The following KAT7 variants were observed in gnomAD, a reference collection of about 807,000 sequenced individuals.
The protein encoded by KAT7 is histone acetyltransferase KAT7.
KAT7 carries 10 observed loss-of-function variants against 82.1 expected under a neutral mutation model. The ratio of observed to expected loss-of-function variants is 0.12; its 90% CI spans 0.08 to 0.21. KAT7 has a LOEUF of 0.21. Among genes scored for constraint, KAT7 ranks in the 10% least tolerant of loss-of-function variants. The pLI is 1.00. For synonymous variants in KAT7, 250 were observed against 262.5 expected (o/e 0.95, Z 0.46); for missense variants, 378 against 760.9 (o/e 0.50, Z 5.92).
At chr17:49,803,517 C>T (rs1010030828) in intron 4 of KAT7, among the ~76,000 whole-genome samples, 9 of 152,106 alleles carry the variant, frequency 5.9e-5, no homozygotes, top group Admixed American at 3.3e-4. Flanking sequence ...CTCCGCCTCC[C>T]GGGTTCACAC....
chr17:49,819,151 G>C (rs368598671), intron 9 of KAT7, among the ~76,000 whole-genome samples: 2 of 152,222 alleles, frequency 1.3e-5, no homozygotes, highest in African/African-American at 4.8e-5. Flanking sequence ...CTATGACCCA[G>C]GTTTCCTGTG....
Position 49,832,693 on chromosome 17 carries a change from G to A in KAT7, c.*5191G>A, listed in dbSNP as rs2074434067. ...TGAAAAGAATGGCAGCAGGGAGAAG[G>A]CCTGGCTCACTGAGGCTCTCAGCAT... On this transcript the variant is annotated 3_prime_UTR_variant, in exon 15 of 15. Coordinates refer to ENST00000259021, the MANE Select transcript of KAT7 (RefSeq NM_007067.5). The A allele has an allele frequency of 6.6e-6, 1 of 152,208 alleles. No homozygotes were observed. Among genetic ancestry groups the A allele is most frequent in the Admixed American group, 6.5e-5 (1 of 15,272 alleles). The allele number at this position is 152,208 out of a possible 1,614,324, so 9.4% of individuals were successfully genotyped here.
At position 49,796,794 on chromosome 17, in the gene KAT7, C is replaced by G. The variant is rs773068653; in HGVS notation, c.208C>G (p.Pro70Ala). ...RNLQSFGTEE[P>A]AYSTRRVTRS... ...TCTGCAGTCTTTTGGCACTGAGGAG[C>G]CTGCTTACTCTACCAGAAGAGTGAC... The change falls in exon 3 of 15, where the codon CCT (proline) becomes GCT (alanine). Residue 70 changes from proline (P) to alanine (A), a missense_variant. By Grantham distance (27) the Pro-to-Ala change is conservative. Coordinates refer to ENST00000259021, the MANE Select transcript of KAT7 (RefSeq NM_007067.5). 1 of 1,613,322 alleles carries G rather than the reference C, an allele frequency of 6.2e-7. No individual in the cohort carries two copies. The highest frequency in any genetic ancestry group is 8.5e-7 in the Non-Finnish European group (1 of 1,179,644).
intron 3 of KAT7, among the ~76,000 whole-genome samples, chr17:49,797,425 T>C (rs989362138): frequency 6.6e-6 from 1 of 152,164 alleles, no homozygotes; most frequent in Non-Finnish European, 1.5e-5. Flanking sequence ...CCAGAGTAGC[T>C]GGAGTATATT....
At chr17:49,798,610 A>C in intron 4 of KAT7, 52 bp downstream of exon 4, 1 of 1,532,866 alleles carries the variant, frequency 6.5e-7, no homozygotes, top group Non-Finnish European at 8.8e-7. Flanking sequence ...TCTCTCTCCC[A>C]GGATCATCCA....
At chr17:49,803,132 G>A (rs182498765) in intron 4 of KAT7, among the ~76,000 whole-genome samples, 189 of 151,006 alleles carry the variant, frequency 1.3e-3, no homozygotes, top group African/African-American at 4.3e-3. Flanking sequence ...TTTCTGAGAC[G>A]GAATCTTGCT....
At position 49,794,807 on chromosome 17, in the gene KAT7, GA is replaced by G. The variant is rs1244929426; in HGVS notation, c.164-1942del. Among the ~76,000 whole-genome samples the G allele has an allele frequency of 2.0e-5, 3 of 152,340 alleles. No individual in the cohort carries two copies. In the East Asian group the frequency reaches 5.8e-4, roughly 29 times the overall value. ...CTGGTTATCATACCTCATGACCACA[GA>G]GTTGCACAACTCCAGGGGTACCATT... On this transcript the variant is annotated intron_variant, in intron 2 of 14. Transcript: ENST00000259021.
At position 49,788,867 on chromosome 17, in the gene KAT7, A is replaced by G. The variant is rs1375136685; in HGVS notation, c.15+18A>G. On this transcript the variant is annotated intron_variant, in intron 1 of 14. Transcript: ENST00000259021. ...GAAGGAAGGTGAGAAACGGGAGAGGAGGGATGGCGGGTTTCTAAGGACAGT... is the reference window on the plus strand; with the variant it reads ...GAAGGAAGGTGAGAAACGGGAGAGGGGGGATGGCGGGTTTCTAAGGACAGT... 1.9e-6 allele frequency: 3 copies of G among 1,582,478 alleles called. No homozygotes were observed. The Admixed American group carries it at 5.3e-5, about 28-fold the overall frequency.
At chr17:49,801,730 C>A (rs770590494) in intron 4 of KAT7, among the ~76,000 whole-genome samples, 2 of 152,230 alleles carry the variant, frequency 1.3e-5, no homozygotes, top group Middle Eastern at 3.4e-3. Context: ...GCTCAAGTGA[C>A]CCTCCCACCT....
chr17:49,815,679 C>A, intron 7 of KAT7, 124 bp from the exon 8 acceptor site: 2 of 643,678 alleles, frequency 3.1e-6, no homozygotes. Context: ...TCCCTAGCAC[C>A]TAGTATGTAG....
chr17:49,796,961 G>C, intron 3 of KAT7, 35 bp downstream of exon 3: 1 of 1,578,618 alleles, frequency 6.3e-7, no homozygotes, highest in Non-Finnish European at 8.7e-7. Flanking sequence ...ACCTATTACA[G>C]AGCATCTGGG....
rs1251545607 is a variant in KAT7 at position 49,827,544 on chromosome 17, A to G, written c.*42A>G. 4 of 1,111,536 alleles carry G rather than the reference A, an allele frequency of 3.6e-6. No homozygotes were observed. The highest frequency in any genetic ancestry group is 1.2e-5 in the South Asian group (1 of 80,050). The allele number at this position is 1,111,536 out of a possible 1,614,324, so 68.9% of individuals were successfully genotyped here. On this transcript the variant is annotated 3_prime_UTR_variant, in exon 15 of 15. Transcript: ENST00000259021. ...GAGCCAGCGAACCCCAGCAGTAGGAATCCGTACCCTAGGGATCTGTCTGTC... is the reference window on the plus strand; with the variant it reads ...GAGCCAGCGAACCCCAGCAGTAGGAGTCCGTACCCTAGGGATCTGTCTGTC...
chr17:49,808,120 C>CTTTTTT (rs71146937), intron 5 of KAT7, among the ~76,000 whole-genome samples: 10 of 112,816 alleles, frequency 8.9e-5, no homozygotes, highest in Admixed American at 9.4e-5. Context: ...CCCAGGTTTT[C>CTTTTTT]TTTTTTTTTT....
intron 5 of KAT7, among the ~76,000 whole-genome samples, chr17:49,808,320 A>G (rs2074117940): frequency 1.3e-5 from 2 of 151,500 alleles, no homozygotes; most frequent in African/African-American, 4.8e-5. Flanking sequence ...GGGTTTCACC[A>G]TGTTGCCCAG....
chr17:49,832,957 T>G lies in KAT7; in HGVS notation c.*5455T>G, dbSNP rs1027142962. On this transcript the variant is annotated 3_prime_UTR_variant, in exon 15 of 15. Coordinates refer to ENST00000259021, the MANE Select transcript of KAT7 (RefSeq NM_007067.5). ...TTATGTGTGACTGCCTCCTCCAGAC[T>G]GTTTCCTGCTGATAGGGGCAGTTTA... The G allele has an allele frequency of 6.6e-6, 1 of 152,194 alleles. No individual in the cohort carries two copies. Among genetic ancestry groups the G allele is most frequent in the Non-Finnish European group, 1.5e-5 (1 of 68,042 alleles). The allele number at this position is 152,194 out of a possible 1,614,324, so 9.4% of individuals were successfully genotyped here. A position where few individuals can be genotyped will look rare whatever the true frequency, so the allele number is the denominator to read the frequency against.
intron 10 of KAT7, 79 bp downstream of exon 10, chr17:49,821,505 C>T (rs2074303157): frequency 6.7e-7 from 1 of 1,485,222 alleles, no homozygotes; most frequent in South Asian, 1.1e-5. Flanking sequence ...TTTTCTCCAT[C>T]ACACCTTGTG....
chr17:49,833,013 A>T lies in KAT7; in HGVS notation c.*5511A>T, dbSNP rs956197965. The T allele has an allele frequency of 6.6e-6, 1 of 152,216 alleles. No individual in the cohort carries two copies. The highest frequency in any genetic ancestry group is 2.4e-5 in the African/African-American group (1 of 41,458). The allele number at this position is 152,216 out of a possible 1,614,324, so 9.4% of individuals were successfully genotyped here. The stretch of plus-strand genomic sequence containing the variant: ...CTTCTTCCTGTGTGGTATCTGCAAC[A>T]AAATCCCAATGAATGTCACCAAGAA... On this transcript the variant is annotated 3_prime_UTR_variant, in exon 15 of 15. Coordinates refer to ENST00000259021, the MANE Select transcript of KAT7 (RefSeq NM_007067.5).
chr17:49,809,043 A>G, intron 5 of KAT7, 76 bp from the exon 6 acceptor site: 1 of 1,114,014 alleles, frequency 9.0e-7, no homozygotes, highest in Non-Finnish European at 1.4e-6. Context: ...CCAAGGCATT[A>G]TCATTGTATT....
At chr17:49,811,702 T>A in intron 7 of KAT7, 128 bp downstream of exon 7, 1 of 419,402 alleles carries the variant, frequency 2.4e-6, no homozygotes. Context: ...CAATTGACTC[T>A]TCTATGGCAC....
Sources: allele counts gnomAD v4.1 joint callset (sites outside exome capture counted in the v4.1 genomes callset), GRCh38; gene constraint gnomAD v4.1.1; transcripts MANE v1.5; gene names NCBI Gene and HGNC (gene_info 2026-07-23, HGNC 2026-07-21).